The following PPP2R2D variants were observed in gnomAD, a reference collection of about 807,000 sequenced individuals.
PPP2R2D encodes the protein protein phosphatase 2 regulatory subunit Bdelta.
Under a neutral mutation model 31.1 loss-of-function variants are expected in PPP2R2D, and 9 were observed. The observed-to-expected ratio is 0.29, with a 90% CI of 0.17 to 0.51. The LOEUF (loss-of-function observed/expected upper bound fraction) is 0.51. PPP2R2D is among the 20% of genes least tolerant of loss of function. The pLI, the probability that PPP2R2D is intolerant of heterozygous loss-of-function variation, is 0.98. For missense variants in PPP2R2D, 391 were observed against 465.6 expected (o/e 0.84, Z 1.48); for synonymous variants, 179 against 172.6 (o/e 1.04, Z -0.29).
intron 5 of PPP2R2D, 39 bp downstream of exon 5, chr10:131,940,733 G>A (rs2036426746): frequency 5.4e-6 from 4 of 741,946 alleles, no homozygotes; most frequent in Non-Finnish European, 1.0e-5. Flanking sequence ...CTGTTGAGAA[G>A]TTAAGAATAA....
chr10:131,933,334 G>A (rs1554895974), intron 2 of PPP2R2D, among the ~76,000 whole-genome samples: 1 of 152,108 alleles, frequency 6.6e-6, no homozygotes, highest in East Asian at 1.9e-4. Context: ...CAGCTTTAGG[G>A]CCCATTTCTT....
At chr10:131,912,441 C>G (rs1304885311) in intron 2 of PPP2R2D, 1 of 152,302 alleles carries the variant, frequency 6.6e-6, no homozygotes, top group Admixed American at 6.5e-5. Context: ...CCCACCTCGG[C>G]CTCCCAAAAT....
intron 8 of PPP2R2D, among the ~76,000 whole-genome samples, chr10:131,954,790 C>T (rs1179807246): frequency 2.0e-5 from 3 of 152,336 alleles, no homozygotes; most frequent in Admixed American, 1.3e-4. Context: ...GGCCTCTCAC[C>T]GCGCATGACC....
Position 131,955,766 on chromosome 10 carries a change from A to G in PPP2R2D, c.1165A>G (p.Arg389Gly). Residue 389 changes from arginine to glycine, a missense_variant, in exon 9 of 9, where the codon AGA becomes GGA. Transcript: ENST00000455566. ...GAGGGATGTGACCCTGGAGGCCTCG[A>G]GAGAGAGCAGCAAACCGCGCGCCAG... ...TRRDVTLEAS[R>G]ESSKPRASLK... The G allele has an allele frequency of 6.3e-7, 1 of 1,585,676 alleles. No individual in the cohort carries two copies. The highest frequency in any genetic ancestry group is 8.6e-7 in the Non-Finnish European group (1 of 1,162,754).
chr10:131,902,777 C>T (rs2035521330), intron 2 of PPP2R2D, among the ~76,000 whole-genome samples: 2 of 152,164 alleles, frequency 1.3e-5, no homozygotes, highest in Non-Finnish European at 2.9e-5. Context: ...GAGACAGGGT[C>T]TCACTTTGTA....
At chr10:131,963,858 G>T (rs2036950226), downstream of PPP2R2D, among the ~76,000 whole-genome samples, 3 of 152,166 alleles carry the variant, frequency 2.0e-5, no homozygotes, top group South Asian at 6.2e-4. Flanking sequence ...GCCTCATGGG[G>T]ACTCACACCG....
intron 5 of PPP2R2D, among the ~76,000 whole-genome samples, chr10:131,943,105 C>G (rs1009094300): frequency 6.6e-6 from 1 of 152,184 alleles, no homozygotes; most frequent in Non-Finnish European, 1.5e-5. Context: ...TGTTTTTCTT[C>G]CAGCTGGATG....
At chr10:131,931,842 G>A (rs1366526988) in intron 2 of PPP2R2D, among the ~76,000 whole-genome samples, 5 of 152,166 alleles carry the variant, frequency 3.3e-5, no homozygotes, top group African/African-American at 9.7e-5. Context: ...GGAGTATTTC[G>A]GAGGGCACCC....
At chr10:131,902,737 A>G (rs1269919831) in intron 2 of PPP2R2D, among the ~76,000 whole-genome samples, 2 of 152,124 alleles carry the variant, frequency 1.3e-5, no homozygotes, top group Non-Finnish European at 2.9e-5. Context: ...GCTTGCCTTA[A>G]TTTCTGTTAA....
At chr10:131,910,829 G>A (rs1195216854) in intron 2 of PPP2R2D, among the ~76,000 whole-genome samples, 1 of 152,146 alleles carries the variant, frequency 6.6e-6, no homozygotes, top group Non-Finnish European at 1.5e-5. Flanking sequence ...CTCGGGGAGT[G>A]GTGAGGGGTG....
intron 2 of PPP2R2D, among the ~76,000 whole-genome samples, chr10:131,932,301 T>A (rs1417883325): frequency 1.2e-4 from 19 of 152,106 alleles, no homozygotes; most frequent in African/African-American, 4.3e-4. Flanking sequence ...GGTGCCAGGC[T>A]GTACCGTGGG....
intron 2 of PPP2R2D, among the ~76,000 whole-genome samples, chr10:131,902,821 G>A (rs1157295622): frequency 6.6e-6 from 1 of 152,108 alleles, no homozygotes; most frequent in Non-Finnish European, 1.5e-5. Flanking sequence ...GGTGCGATCT[G>A]GGCTCACTGC....
At chr10:131,966,317 T>TA in the PPP2R2D span, 1 of 152,216 alleles carries the variant, frequency 6.6e-6, no homozygotes, top group East Asian at 1.9e-4. Flanking sequence ...TTTATAAACT[T>TA]AATGATTAAA....
intron 3 of PPP2R2D, chr10:131,939,683 A>G (rs1291314091): frequency 6.1e-6 from 1 of 164,450 alleles, no homozygotes; most frequent in African/African-American, 2.4e-5. Flanking sequence ...TACATTCGAC[A>G]GGCTGAATTC....
Position 131,956,090 on chromosome 10 carries a change from C to A in PPP2R2D, c.*127C>A. ...CACCTGCTACTTCCCTTCACAGACA[C>A]AGGAGAAAGCCGCCTCCGCTGGAGG... is the stretch of plus-strand genomic sequence containing the variant. On this transcript the variant is annotated 3_prime_UTR_variant, in exon 9 of 9. Transcript: ENST00000455566. 3.2e-6 allele frequency: 4 copies of A among 1,268,964 alleles called. No homozygotes were observed. Among genetic ancestry groups the A allele is most frequent in the Non-Finnish European group, 4.0e-6 (4 of 1,008,282 alleles). 78.6% of individuals were successfully genotyped at this position (1,268,964 alleles called of 1,614,324 possible).
chr10:131,937,808 C>T (rs2036369986), intron 3 of PPP2R2D, among the ~76,000 whole-genome samples: 1 of 152,212 alleles, frequency 6.6e-6, no homozygotes, highest in Non-Finnish European at 1.5e-5. Flanking sequence ...CACTTTTCTC[C>T]CTTGAAATAG....
At position 131,940,523 on chromosome 10, in the gene PPP2R2D, A is replaced by G. The variant is rs1348757341; in HGVS notation, c.365-59A>G. ...CGCTTTCTAATACCAGTACTCAAAC[A>G]GTAGTGATGCATGTTATAGTTTTTC... On this transcript the variant is annotated intron_variant, in intron 4 of 8. Transcript: ENST00000455566. 32 of 702,626 alleles carry G rather than the reference A, an allele frequency of 4.6e-5. No homozygotes were observed. In the Admixed American group the frequency reaches 5.3e-4, roughly 12 times the overall value. 43.5% of individuals were successfully genotyped at this position (702,626 alleles called of 1,614,324 possible).
At chr10:131,970,592 G>GC in the PPP2R2D span, 1 of 1,596,936 alleles carries the variant, frequency 6.3e-7, no homozygotes, top group Non-Finnish European at 8.5e-7. The surrounding 1 kb of genome is among the most constrained non-coding windows in gnomAD (Gnocchi z 4.1). Context: ...ACCCAGAATC[G>GC]CCCCACGACA....
At chr10:131,951,724 G>A (rs1312169448) in intron 8 of PPP2R2D, among the ~76,000 whole-genome samples, 1 of 152,160 alleles carries the variant, frequency 6.6e-6, no homozygotes, top group African/African-American at 2.4e-5. Flanking sequence ...GGAGGCTGAG[G>A]CAGGAGAATC....
Sources: gnomAD v4.1 joint callset for allele counts (sites outside exome capture counted in the v4.1 genomes callset) on GRCh38, gnomAD v4.1.1 for gene constraint, Gnocchi (gnomAD v3.1) non-coding constraint, MANE v1.5 for transcripts, NCBI Gene and HGNC (gene_info 2026-07-23, HGNC 2026-07-21) for gene names.